FGD3: variants seen among roughly 807,000 people sequenced by gnomAD.
FGD3 encodes FYVE, RhoGEF and PH domain containing 3.
In FGD3, 45 loss-of-function variants were observed where a neutral mutation model predicts 71.8. The ratio of observed to expected loss-of-function variants is 0.63; its 90% CI spans 0.49 to 0.80. The LOEUF (loss-of-function observed/expected upper bound fraction) is 0.80, where lower values mean the gene tolerates loss of function less well. FGD3 is among the 30% of genes least tolerant of loss of function. FGD3 has a pLI of 0.00. For synonymous variants in FGD3, 378 were observed against 392.8 expected (o/e 0.96, Z 0.44); for missense variants, 844 against 951.5 (o/e 0.89, Z 1.49).
intron 3 of FGD3, among the ~76,000 whole-genome samples, chr9:92,981,236 TG>T (rs1859981891): frequency 6.6e-6 from 1 of 151,254 alleles, no homozygotes; most frequent in Admixed American, 6.6e-5. Flanking sequence ...GGCGTGGTGG[TG>T]GGCACCTGTA....
intron 1 of FGD3, among the ~76,000 whole-genome samples, chr9:92,949,702 G>A (rs1410458457): frequency 1.3e-5 from 2 of 152,148 alleles, no homozygotes; most frequent in Non-Finnish European, 2.9e-5. Context: ...GTATCTGTGT[G>A]GTCCAAGAAG....
At chr9:93,030,226 T>C (rs1862304193) in intron 15 of FGD3, among the ~76,000 whole-genome samples, 1 of 152,210 alleles carries the variant, frequency 6.6e-6, no homozygotes, top group African/African-American at 2.4e-5. Context: ...AAACACTACT[T>C]GTGGTTGAAA....
chr9:93,015,873 C>T, intron 10 of FGD3, 44 bp downstream of exon 10: 2 of 1,556,172 alleles, frequency 1.3e-6, no homozygotes, highest in Non-Finnish European at 1.8e-6. Context: ...CTGGAAGGGG[C>T]ACTGAGCAGG....
rs765823691 is a variant in FGD3 at position 92,976,521 on chromosome 9, A to G, written c.265A>G (p.Asn89Asp). The change falls in exon 3 of 18, where the codon AAC (asparagine) becomes GAC (aspartate). Residue 89 changes from asparagine to aspartate, a missense_variant. Physicochemically the swap from Asn to Asp is conservative, Grantham distance 23 (BLOSUM62 1). Coordinates refer to ENST00000375482, the MANE Select transcript of FGD3 (RefSeq NM_001083536.2). ...TCCCTCCTCCAGTGTGGCTGGAGAG[A>G]ACTTTCCCTGCGAGGAGGGCTTGGA... ...DSPSSSVAGE[N>D]FPCEEGLEAG... is the part of the protein sequence containing the mutation. 1 of 1,612,510 alleles carries G rather than the reference A, an allele frequency of 6.2e-7. No homozygotes were observed. Among genetic ancestry groups the G allele is most frequent in the East Asian group, 2.2e-5 (1 of 44,860 alleles).
chr9:93,014,970 A>G (rs887494032), intron 9 of FGD3, among the ~76,000 whole-genome samples: 1 of 17,634 alleles, frequency 5.7e-5, no homozygotes, highest in African/African-American at 1.9e-4. Flanking sequence ...CCACCCCCCC[A>G]GTTCCCTTGT....
chr9:93,013,446 C>T (rs1330846979), intron 8 of FGD3, among the ~76,000 whole-genome samples: 1 of 152,186 alleles, frequency 6.6e-6, no homozygotes, highest in African/African-American at 2.4e-5. Flanking sequence ...ACCACCCCAC[C>T]AGTCACCATG....
At chr9:93,005,121 C>T (rs1487540477) in intron 5 of FGD3, among the ~76,000 whole-genome samples, 1 of 151,184 alleles carries the variant, frequency 6.6e-6, no homozygotes, top group Non-Finnish European at 1.5e-5. Flanking sequence ...CCACCCTGCC[C>T]TTTGGACATT....
intron 8 of FGD3, among the ~76,000 whole-genome samples, chr9:93,012,368 C>G (rs1426511627): frequency 1.3e-5 from 2 of 152,110 alleles, no homozygotes; most frequent in African/African-American, 4.8e-5. Context: ...TGCAACATGT[C>G]CAGGGTCAGC....
rs746214233 is a variant in FGD3, at chr9:93,011,226, T to C, written c.989T>C (p.Leu330Pro). 2 of 1,614,118 alleles carry C rather than the reference T, an allele frequency of 1.2e-6. No individual in the cohort carries two copies. Among genetic ancestry groups the C allele is most frequent in the Non-Finnish European group, 8.5e-7 (1 of 1,180,002 alleles). ...CTTCTTCCTGCAGGGTCCTTGGAGCTCATCTCCACAGCCGCCAACCACTCC... is the reference window on the plus strand; with the variant it reads ...CTTCTTCCTGCAGGGTCCTTGGAGCCCATCTCCACAGCCGCCAACCACTCC... Reference protein sequence around the residue: ...DRKDAERSLELISTAANHSNA... With the variant: ...DRKDAERSLEPISTAANHSNA... Residue 330 changes from leucine to proline, a missense_variant, in exon 8 of 18, where the codon CTC becomes CCC. Coordinates refer to ENST00000375482, the MANE Select transcript of FGD3 (RefSeq NM_001083536.2).
At chr9:93,010,561 GGAGA>G (rs1477379202) in intron 7 of FGD3, among the ~76,000 whole-genome samples, 177 bp downstream of exon 7, 2 of 150,930 alleles carry the variant, frequency 1.3e-5, no homozygotes, top group Non-Finnish European at 3.0e-5. Flanking sequence ...ATGGAGACAG[GGAGA>G]GAGATAGGGA....
Position 92,965,321 on chromosome 9 carries a change from C to G in FGD3, c.-217-9917C>G, listed in dbSNP as rs562753907. ...AACACCCAGGGCGGATGCTGGTCAG[C>G]CATTCTTGCAGGGGAGGAAACCAAG... On this transcript the variant is annotated intron_variant, in intron 1 of 17. Transcript: ENST00000375482. Among the ~76,000 whole-genome samples, 6 of 152,352 alleles carry G rather than the reference C, an allele frequency of 3.9e-5. No homozygotes were observed. The South Asian group carries it at 6.2e-4, about 16-fold the overall frequency.
chr9:93,033,078 C>A, intron 16 of FGD3: 1 of 648,572 alleles, frequency 1.5e-6, no homozygotes, highest in Non-Finnish European at 2.8e-6. Context: ...CGGGACCAGC[C>A]AGGGCCAAGG....
intron 3 of FGD3, 102 bp downstream of exon 3, chr9:92,976,811 T>C: frequency 7.9e-7 from 1 of 1,267,688 alleles, no homozygotes; most frequent in Non-Finnish European, 1.1e-6. Context: ...TTTCCAGGAA[T>C]GTGGCACACA....
chr9:93,019,775 T>A (rs1861843393), intron 11 of FGD3, 56 bp from the exon 12 acceptor site: 1 of 1,534,644 alleles, frequency 6.5e-7, no homozygotes. Flanking sequence ...AGAGGGCTGG[T>A]CATTTAGAGT....
At chr9:92,959,086 A>G (rs1587810884) in intron 1 of FGD3, among the ~76,000 whole-genome samples, 1 of 152,056 alleles carries the variant, frequency 6.6e-6, no homozygotes, top group South Asian at 2.1e-4. Flanking sequence ...TAGCCTCTCC[A>G]GTAGCTGGGA....
At chr9:93,010,414 G>A (rs1364826842) in intron 7 of FGD3, 30 bp downstream of exon 7, 1 of 1,581,406 alleles carries the variant, frequency 6.3e-7, no homozygotes, top group East Asian at 2.3e-5. Context: ...TCCCAGGAGG[G>A]TGCAGGGGCA....
In FGD3 at chr9:93,013,968, C is replaced by T. The variant is rs756098657; in HGVS notation, c.1152C>T (p.Asn384=). 56 of 1,610,994 alleles carry T rather than the reference C, an allele frequency of 3.5e-5. No homozygotes were observed. The highest frequency in any genetic ancestry group is 4.4e-5 in the Non-Finnish European group (52 of 1,178,908). ...AAATCCAGAAACTGTCAGCCAAGAACGGCACCCCCCAGGACCGCCACCTCT... is the reference window on the plus strand; with the variant it reads ...AAATCCAGAAACTGTCAGCCAAGAATGGCACCCCCCAGGACCGCCACCTCT... The part of the protein sequence containing the change: ...EGQIQKLSAK[N]GTPQDRHLFL... Residue 384 remains asparagine, a synonymous_variant, in exon 9 of 18, where the codon AAC becomes AAT. Transcript: ENST00000375482.
intron 1 of FGD3, among the ~76,000 whole-genome samples, chr9:92,955,666 T>C (rs1859038246): frequency 1.3e-5 from 2 of 152,162 alleles, no homozygotes; most frequent in Admixed American, 6.5e-5. Flanking sequence ...ACCTTGACAC[T>C]GGTACAGTCA....
intron 1 of FGD3, among the ~76,000 whole-genome samples, chr9:92,962,508 A>T (rs575382515): frequency 1.4e-4 from 22 of 152,338 alleles, no homozygotes; most frequent in African/African-American, 5.1e-4. Flanking sequence ...CATTGACAGC[A>T]CAGCAACGGT....
Sources: allele counts gnomAD v4.1 joint callset (sites outside exome capture counted in the v4.1 genomes callset), GRCh38; gene constraint gnomAD v4.1.1; transcripts MANE v1.5; gene names NCBI Gene and HGNC (gene_info 2026-07-23, HGNC 2026-07-21).